The following LDLRAD4 variants were observed in gnomAD, a reference collection of about 807,000 sequenced individuals.
The protein encoded by LDLRAD4 is low-density lipoprotein receptor class A domain-containing protein 4.
Under a neutral mutation model 17.0 loss-of-function variants are expected in LDLRAD4, and 5 were observed. That is an observed-to-expected ratio of 0.29 (90% CI 0.15 to 0.62). The LOEUF is 0.62. Among genes scored for constraint, LDLRAD4 ranks in the 20% least tolerant of loss-of-function variants. The pLI, the probability that LDLRAD4 is intolerant of heterozygous loss-of-function variation, is 0.84. For missense variants in LDLRAD4, 340 were observed against 424.7 expected (o/e 0.80, Z 1.75); for synonymous variants, 168 against 171.8 (o/e 0.98, Z 0.17).
At chr18:13,444,647 C>A (rs1239742139) in intron 3 of LDLRAD4, among the ~76,000 whole-genome samples, 1 of 152,206 alleles carries the variant, frequency 6.6e-6, no homozygotes, top group Admixed American at 6.5e-5. Context: ...TTGATCCTTT[C>A]TCTGCTGCCT....
chr18:13,636,684 G>A (rs1456038256), intron 4 of LDLRAD4, among the ~76,000 whole-genome samples: 2 of 151,878 alleles, frequency 1.3e-5, no homozygotes, highest in East Asian at 3.9e-4. Flanking sequence ...ATTTTTAGTA[G>A]AGACGGTTTT....
At chr18:13,399,139 G>T (rs1190791344) in intron 2 of LDLRAD4, among the ~76,000 whole-genome samples, 1 of 152,090 alleles carries the variant, frequency 6.6e-6, no homozygotes, top group Non-Finnish European at 1.5e-5. Context: ...TGAGGCTGCA[G>T]TGAGCTGTGG....
At chr18:13,325,611 G>T (rs1374737192) in intron 1 of LDLRAD4, among the ~76,000 whole-genome samples, 1 of 152,128 alleles carries the variant, frequency 6.6e-6, no homozygotes, top group African/African-American at 2.4e-5. Flanking sequence ...CTCCCTCTCC[G>T]CGTGGGCAAC....
At chr18:13,639,722 T>C (rs2042365008) in intron 4 of LDLRAD4, among the ~76,000 whole-genome samples, 1 of 152,152 alleles carries the variant, frequency 6.6e-6, no homozygotes, top group South Asian at 2.1e-4. Flanking sequence ...ATGTACTGTG[T>C]GGGTGAAAGG....
intron 3 of LDLRAD4, among the ~76,000 whole-genome samples, chr18:13,482,793 C>CT (rs1568229788): frequency 3.3e-5 from 5 of 152,206 alleles, no homozygotes; most frequent in African/African-American, 9.7e-5. Context: ...CAAAGGTTGT[C>CT]TAATTATGCA....
intron 4 of LDLRAD4, among the ~76,000 whole-genome samples, chr18:13,626,666 AT>A (rs1455190063): frequency 2.0e-5 from 3 of 152,244 alleles, no homozygotes; most frequent in Non-Finnish European, 4.4e-5. Context: ...GATTAAATCG[AT>A]TGTGAAAATC....
intron 1 of LDLRAD4, among the ~76,000 whole-genome samples, chr18:13,361,024 G>A (rs2083632320): frequency 6.6e-6 from 1 of 152,216 alleles, no homozygotes; most frequent in Non-Finnish European, 1.5e-5. Flanking sequence ...TATTGCATGT[G>A]CATTGTGATG....
rs2045771835 is a variant in LDLRAD4 at position 13,288,609 on chromosome 18, C to CGGT, written c.-383+10421_-383+10422insGGT. 5.6e-5 allele frequency among the ~76,000 whole-genome samples: 5 copies of CGGT among 90,014 alleles called. 1 individual carries two copies. Among genetic ancestry groups the CGGT allele is most frequent in the Admixed American group, 1.4e-4 (1 of 7,300 alleles). 59.1% of individuals were successfully genotyped at this position (90,014 alleles called of 152,430 possible). On this transcript the variant is annotated intron_variant, in intron 1 of 5. Coordinates refer to ENST00000359446, the Ensembl canonical transcript of LDLRAD4. ...CTCTGCAAGGTGAGTCATGGGGCCA[C>CGGT]AGTAGCAGCCCCGCAGACCGTGGTC...
In LDLRAD4 at chr18:13,645,441, G is replaced by A. The variant is rs747911666; in HGVS notation, c.705G>A (p.Ser235=). Reference sequence around the variant, plus strand: ...GTCCATGCCCACCCAGCAGCAACTCGGGCATCAGTGCAAGCACCTGCAGCA... The same window carrying A: ...GTCCATGCCCACCCAGCAGCAACTCAGGCATCAGTGCAAGCACCTGCAGCA... Residue 235 remains serine (S), a synonymous_variant, in exon 6 of 6, where the codon TCG becomes TCA. Transcript: ENST00000359446. This position sits in a 1 kb window ranked among gnomAD's most constrained non-coding sequence, Gnocchi z 5.7. 9 of 1,613,830 alleles carry A rather than the reference G, an allele frequency of 5.6e-6. No individual in the cohort carries two copies. The highest frequency in any genetic ancestry group is 2.7e-5 in the African/African-American group (2 of 74,908).
At chr18:13,638,646 C>CAGT (rs2042274600) in intron 4 of LDLRAD4, among the ~76,000 whole-genome samples, 1 of 152,198 alleles carries the variant, frequency 6.6e-6, no homozygotes, top group Admixed American at 6.5e-5. Context: ...TCTCAAGGAA[C>CAGT]TGGTCCTTAT....
upstream of LDLRAD4, chr18:13,217,827 C>T (rs1396142350): frequency 6.6e-6 from 1 of 151,540 alleles, no homozygotes; most frequent in Non-Finnish European, 1.5e-5. This position sits in a 1 kb window ranked among gnomAD's most constrained non-coding sequence, Gnocchi z 4.9. Context: ...GGCCGGGGAT[C>T]CCCTGCAAGC....
At chr18:13,495,380 T>C (rs1405036564) in intron 3 of LDLRAD4, among the ~76,000 whole-genome samples, 1 of 152,194 alleles carries the variant, frequency 6.6e-6, no homozygotes, top group Non-Finnish European at 1.5e-5. Flanking sequence ...CTACAAACAA[T>C]TGAGATTGTA....
intron 1 of LDLRAD4, among the ~76,000 whole-genome samples, chr18:13,370,969 A>G (rs1284939945): frequency 6.6e-6 from 1 of 152,016 alleles, no homozygotes; most frequent in Non-Finnish European, 1.5e-5. Flanking sequence ...TCGGCCTCCC[A>G]AAGTGCTGGG....
chr18:13,221,701 G>A (rs1170470640), intron 1 of LDLRAD4, among the ~76,000 whole-genome samples: 3 of 152,152 alleles, frequency 2.0e-5, no homozygotes, highest in Non-Finnish European at 2.9e-5. Context: ...AATGATGTCT[G>A]TATTGTCACA....
intron 3 of LDLRAD4, among the ~76,000 whole-genome samples, chr18:13,545,003 T>C (rs1249242086): frequency 2.0e-5 from 3 of 152,014 alleles, no homozygotes; most frequent in African/African-American, 7.3e-5. Flanking sequence ...TAAACTTTCT[T>C]AGAATGTAAA....
chr18:13,492,157 C>T (rs553333694), intron 3 of LDLRAD4, among the ~76,000 whole-genome samples: 100 of 152,242 alleles, frequency 6.6e-4, no homozygotes, highest in African/African-American at 2.3e-3. Flanking sequence ...TAGCTAGAAA[C>T]AGGCCACGCT....
At chr18:13,303,018 G>C (rs944494321) in intron 1 of LDLRAD4, among the ~76,000 whole-genome samples, 1 of 152,338 alleles carries the variant, frequency 6.6e-6, no homozygotes, top group Non-Finnish European at 1.5e-5. Flanking sequence ...AGATTTATTG[G>C]GGGTAGGCTT....
exon 6 of LDLRAD4, chr18:13,650,369 G>A (rs754372667): frequency 3.0e-5 from 12 of 399,144 alleles, no homozygotes; most frequent in Admixed American, 4.4e-5. Context: ...TTCCCTCTGC[G>A]TGTCCTTGTT....
At chr18:13,630,521 A>G (rs1000682042) in intron 4 of LDLRAD4, among the ~76,000 whole-genome samples, 1 of 152,246 alleles carries the variant, frequency 6.6e-6, no homozygotes, top group Non-Finnish European at 1.5e-5. Flanking sequence ...GAACAGGGGA[A>G]AAATAGATTT....
Sources: gnomAD v4.1 joint callset for allele counts (sites outside exome capture counted in the v4.1 genomes callset) on GRCh38, gnomAD v4.1.1 for gene constraint, Gnocchi (gnomAD v3.1) non-coding constraint, MANE v1.5 for transcripts, NCBI Gene and HGNC (gene_info 2026-07-23, HGNC 2026-07-21) for gene names.